The following SEC23IP variants were observed in gnomAD, a reference collection of about 807,000 sequenced individuals.
The protein encoded by SEC23IP is SEC23-interacting protein.
In SEC23IP, 70 loss-of-function variants were observed where a neutral mutation model predicts 113.4. The observed-to-expected ratio is 0.62, with a 90% CI of 0.51 to 0.75. The LOEUF (loss-of-function observed/expected upper bound fraction) is 0.75. SEC23IP is among the 30% of genes least tolerant of loss of function. The pLI, the probability that SEC23IP is intolerant of heterozygous loss-of-function variation, is 0.00. For synonymous variants in SEC23IP, 398 were observed against 421.0 expected (o/e 0.95, Z 0.67); for missense variants, 1,160 against 1,204.9 (o/e 0.96, Z 0.55).
intron 12 of SEC23IP, among the ~76,000 whole-genome samples, chr10:119,923,803 C>T (rs1855328772): frequency 6.6e-6 from 1 of 152,142 alleles, no homozygotes; most frequent in Admixed American, 6.5e-5. Flanking sequence ...CCTGCCTTGC[C>T]CTCCCAAAGT....
At chr10:119,936,846 G>C (rs186554564) in intron 18 of SEC23IP, among the ~76,000 whole-genome samples, 17 of 151,176 alleles carry the variant, frequency 1.1e-4, no homozygotes, top group Non-Finnish European at 1.8e-4. Context: ...TGTTTTCTTG[G>C]AGGTACGGGG....
In SEC23IP at chr10:119,941,366, G is replaced by T. The variant is rs1367030113; in HGVS notation, c.*801G>T. 1.3e-5 allele frequency: 2 copies of T among 152,082 alleles called. No homozygotes were observed. The highest frequency in any genetic ancestry group is 1.9e-4 in the East Asian group (1 of 5,188). The allele number at this position is 152,082 out of a possible 1,614,324, so 9.4% of individuals were successfully genotyped here. A position where few individuals can be genotyped will look rare whatever the true frequency, so the allele number is the denominator to read the frequency against. ...CAATAATGTGAAAACCAAAGTAGAGGTTTTTTTCTTCTTCTTTTTGTTTTC... is the reference window on the plus strand; with the variant it reads ...CAATAATGTGAAAACCAAAGTAGAGTTTTTTTTCTTCTTCTTTTTGTTTTC... On this transcript the variant is annotated 3_prime_UTR_variant, in exon 19 of 19. Coordinates refer to ENST00000369075, the MANE Select transcript of SEC23IP (RefSeq NM_007190.4).
intron 6 of SEC23IP, among the ~76,000 whole-genome samples, chr10:119,912,940 C>T (rs1310271147): frequency 6.6e-6 from 1 of 152,194 alleles, no homozygotes; most frequent in African/African-American, 2.4e-5. Context: ...CGCACCCTAC[C>T]TCTCCTAGGT....
intron 4 of SEC23IP, among the ~76,000 whole-genome samples, chr10:119,905,937 C>T (rs887772940): frequency 6.6e-6 from 1 of 151,916 alleles, no homozygotes; most frequent in African/African-American, 2.4e-5. Context: ...AGAAAAGTAC[C>T]GGTAAACTTT....
chr10:119,909,167 C>G (rs772381675), intron 5 of SEC23IP, 37 bp downstream of exon 5: 19 of 1,344,428 alleles, frequency 1.4e-5, no homozygotes, highest in Non-Finnish European at 1.9e-5. Context: ...GTATTAAGTT[C>G]ATTTTAATAT....
At chr10:119,938,123 T>C (rs941303286) in intron 18 of SEC23IP, among the ~76,000 whole-genome samples, 4 of 138,534 alleles carry the variant, frequency 2.9e-5, no homozygotes, top group African/African-American at 7.6e-5. Flanking sequence ...AAACCTCGTC[T>C]CTTAAAAAAA....
At chr10:119,921,311 C>T (rs1241377798) in intron 12 of SEC23IP, among the ~76,000 whole-genome samples, 3 of 152,166 alleles carry the variant, frequency 2.0e-5, no homozygotes, top group Non-Finnish European at 4.4e-5. Context: ...TCATTAACTG[C>T]GTATTAATGA....
intron 2 of SEC23IP, among the ~76,000 whole-genome samples, chr10:119,899,795 G>T (rs888773229): frequency 2.0e-5 from 3 of 151,972 alleles, no homozygotes; most frequent in Non-Finnish European, 4.4e-5. Flanking sequence ...TTTTTAAAAA[G>T]GTTTTTAGAT....
chr10:119,902,930 C>G lies in SEC23IP; in HGVS notation c.828C>G (p.Cys276Trp). 6.2e-7 allele frequency: 1 copy of G among 1,614,150 alleles called. No individual in the cohort carries two copies. Among genetic ancestry groups the G allele is most frequent in the Non-Finnish European group, 8.5e-7 (1 of 1,180,000 alleles). Reference protein sequence around the residue: ...YEPVQPHWFYCKEVEYKQLWM... With the variant: ...YEPVQPHWFYWKEVEYKQLWM... ...CTGTTCAGCCCCACTGGTTTTACTG[C>G]AAGGAGGTAGAATACAAACAACTGT... Residue 276 changes from cysteine (C) to tryptophan (W), a missense_variant, in exon 3 of 19, where the codon TGC becomes TGG. Transcript: ENST00000369075.
intron 14 of SEC23IP, among the ~76,000 whole-genome samples, 179 bp downstream of exon 14, chr10:119,929,941 G>C (rs1046261759): frequency 9.2e-5 from 14 of 152,180 alleles, no homozygotes; most frequent in African/African-American, 3.1e-4. Flanking sequence ...GAGCCACTGT[G>C]CCTGACCTTT....
In SEC23IP at chr10:119,929,663, G is replaced by C; in HGVS notation, c.2370G>C (p.Gly790=). 1.2e-6 allele frequency: 2 copies of C among 1,607,588 alleles called. No homozygotes were observed. Among genetic ancestry groups the C allele is most frequent in the East Asian group, 2.2e-5 (1 of 44,846 alleles). The change falls in exon 14 of 19, where the codon GGG becomes GGC. Residue 790 remains glycine (G), a synonymous_variant. Coordinates refer to ENST00000369075, the MANE Select transcript of SEC23IP (RefSeq NM_007190.4). ...DFEPEIFFAL[G]SPIAMFLTIR... is the part of the protein sequence containing the mutation. ...AACCAGAGATATTCTTTGCCTTGGG[G>C]TCTCCAATTGCTATGTTTCTCACTA...
At chr10:119,936,155 C>G (rs913430314) in intron 18 of SEC23IP, among the ~76,000 whole-genome samples, 4 of 152,156 alleles carry the variant, frequency 2.6e-5, no homozygotes, top group Admixed American at 2.0e-4. Flanking sequence ...CAAATTTTCT[C>G]CATTATAAAT....
At chr10:119,930,525 T>C (rs1855563218) in intron 15 of SEC23IP, 94 bp downstream of exon 15, 1 of 655,252 alleles carries the variant, frequency 1.5e-6, no homozygotes, top group Admixed American at 2.7e-5. Context: ...TCTGAGAGAA[T>C]TAATATTATT....
At chr10:119,897,570 G>A (rs548504119) in intron 1 of SEC23IP, among the ~76,000 whole-genome samples, 20 of 152,316 alleles carry the variant, frequency 1.3e-4, no homozygotes, top group African/African-American at 4.8e-4. Context: ...CTTTGTAGGT[G>A]AGATTCCTGA....
intron 5 of SEC23IP, 58 bp from the exon 6 acceptor site, chr10:119,911,986 C>T (rs752361596): frequency 5.0e-6 from 8 of 1,596,942 alleles, no homozygotes; most frequent in Non-Finnish European, 6.9e-6. Context: ...AACTACTTAG[C>T]CTGTAGTGGA....
intron 2 of SEC23IP, among the ~76,000 whole-genome samples, chr10:119,901,048 G>GC (rs1854481644): frequency 6.9e-6 from 1 of 144,490 alleles, no homozygotes; most frequent in African/African-American, 2.6e-5. Context: ...AAAGAGTGGG[G>GC]GGGGGGTCTT....
At chr10:119,920,800 A>G in intron 11 of SEC23IP, 89 bp from the exon 12 acceptor site, 1 of 864,258 alleles carries the variant, frequency 1.2e-6, no homozygotes, top group Non-Finnish European at 1.8e-6. Flanking sequence ...ATTGCTTTAG[A>G]TGATGTGGTT....
chr10:119,929,467 C>T, intron 13 of SEC23IP, 140 bp from the exon 14 acceptor site: 1 of 650,982 alleles, frequency 1.5e-6, no homozygotes, highest in South Asian at 1.9e-5. Context: ...ATCTCCTGAT[C>T]TCGTGATCCG....
rs1403703077 is a variant in SEC23IP at position 119,929,723 on chromosome 10, C to T, written c.2430C>T (p.Ser810=). The change falls in exon 14 of 19, where the codon AGC becomes AGT. Residue 810 remains serine (S), a synonymous_variant. Coordinates refer to ENST00000369075, the MANE Select transcript of SEC23IP (RefSeq NM_007190.4). The part of the protein sequence containing the change: ...RGVDRIDENY[S]LPTCKGFFNI... ...TTGATAGGATAGATGAGAATTACAG[C>T]CTTCCTACCTGTAAAGGGTTCTTCA... 1.2e-6 allele frequency: 2 copies of T among 1,600,536 alleles called. No homozygotes were observed. The highest frequency in any genetic ancestry group is 1.7e-6 in the Non-Finnish European group (2 of 1,167,782).
Sources: gnomAD v4.1 joint callset for allele counts (sites outside exome capture counted in the v4.1 genomes callset) on GRCh38, gnomAD v4.1.1 for gene constraint, MANE v1.5 for transcripts, NCBI Gene and HGNC (gene_info 2026-07-23, HGNC 2026-07-21) for gene names.